HSPG2: variants seen among roughly 807,000 people sequenced by gnomAD.
HSPG2 encodes the protein basement membrane-specific heparan sulfate proteoglycan core protein.
A neutral mutation model predicts 526.6 loss-of-function variants in HSPG2; 278 were observed. That is an observed-to-expected ratio of 0.53 (90% CI 0.48 to 0.58). HSPG2 has a LOEUF of 0.58. Among genes scored for constraint, HSPG2 ranks in the 20% least tolerant of loss-of-function variants. The probability of loss-of-function intolerance (pLI) is 0.00; values close to 1 mark genes in which losing one functional copy is unlikely to be tolerated. For synonymous variants in HSPG2, 2,465 were observed against 2,555.4 expected (o/e 0.96, Z 1.07); for missense variants, 5,354 against 6,099.5 (o/e 0.88, Z 4.07).
At chr1:21,906,710 C>A (rs1428191105) in intron 1 of HSPG2, among the ~76,000 whole-genome samples, 1 of 120,434 alleles carries the variant, frequency 8.3e-6, no homozygotes, top group Non-Finnish European at 1.6e-5. Context: ...ATGACTGAAG[C>A]AACATGATGG....
chr1:21,890,488 G>A lies in HSPG2; in HGVS notation c.355-3C>T, dbSNP rs748431977. On this transcript the variant is annotated splice_polypyrimidine_tract_variant and splice_region_variant and intron_variant, in intron 4 of 96. Coordinates refer to ENST00000374695, the MANE Select transcript of HSPG2 (RefSeq NM_005529.7). This position sits in a 1 kb window ranked among gnomAD's most constrained non-coding sequence, Gnocchi z 4.1. ...ATTTTCAAGTACTCCGACTCCAGCT[G>A]GGGAGGGACACAGTGCCATCAGCCC... is the stretch of plus-strand genomic sequence containing the variant. 5.0e-6 allele frequency: 8 copies of A among 1,613,940 alleles called. No homozygotes were observed. In the South Asian group the frequency reaches 7.7e-5, roughly 16 times the overall value.
chr1:21,895,940 T>A lies in HSPG2; in HGVS notation c.226A>T (p.Ser76Cys). ...GDDLGSGDLG[S>C]GDFQMVYFRA... ...AACTTACCCATCTGGAAGTCCCCGC[T>A]GCCCAGGTCCCCACTGCCCAGGTCG... is the stretch of plus-strand genomic sequence containing the variant. Residue 76 changes from serine (S) to cysteine (C), a missense_variant, in exon 3 of 97, where the codon AGC becomes TGC. Transcript: ENST00000374695. The surrounding 1 kb of genome is among the most constrained non-coding windows in gnomAD (Gnocchi z 4.1). 2 of 1,614,110 alleles carry A rather than the reference T, an allele frequency of 1.2e-6. No homozygotes were observed. The highest frequency in any genetic ancestry group is 1.7e-6 in the Non-Finnish European group (2 of 1,179,976).
intron 1 of HSPG2, among the ~76,000 whole-genome samples, chr1:21,927,429 A>G (rs1644229234): frequency 6.6e-6 from 1 of 152,082 alleles, no homozygotes; most frequent in African/African-American, 2.4e-5. Flanking sequence ...CCACCAAGTA[A>G]GGACCAACTG....
chr1:21,889,969 G>C lies in HSPG2; in HGVS notation c.574+12C>G. The C allele has an allele frequency of 1.9e-6, 3 of 1,614,012 alleles. No homozygotes were observed. Among genetic ancestry groups the C allele is most frequent in the South Asian group, 1.1e-5 (1 of 91,074 alleles). ...CTGGAGGAGGCGATCCCAGACACCA[G>C]GATAGGCTCACCTGTGCCCAGGCGT... On this transcript the variant is annotated intron_variant, in intron 6 of 96. Coordinates refer to ENST00000374695, the MANE Select transcript of HSPG2 (RefSeq NM_005529.7).
At chr1:21,826,297 TG>T (rs1022485495) in intron 91 of HSPG2, among the ~76,000 whole-genome samples, 7 of 151,990 alleles carry the variant, frequency 4.6e-5, no homozygotes, top group African/African-American at 1.7e-4. Flanking sequence ...CTTGAACTCC[TG>T]GGCTCAAGCA....
Position 21,842,369 on chromosome 1 carries a change from G to A in HSPG2, c.8922C>T (p.Ser2974=). The A allele has an allele frequency of 6.2e-7, 1 of 1,607,932 alleles. No individual in the cohort carries two copies. Among genetic ancestry groups the A allele is most frequent in the Non-Finnish European group, 8.5e-7 (1 of 1,176,620 alleles). Residue 2974 remains serine, a synonymous_variant, in exon 68 of 97, where the codon TCC becomes TCT. Transcript: ENST00000374695. ...SLPARHQTHG[S]QLRLHLVSPA... is the part of the protein sequence containing the mutation. ...GGGAGACGAGGTGGAGCCGCAGCTG[G>A]GAGCCATGGGTCTGTCAGAGCAGCG...
Position 21,841,116 on chromosome 1 carries a change from G to T in HSPG2, c.9498C>A (p.Ser3166Arg), listed in dbSNP as rs1162003900. The change falls in exon 71 of 97, where the codon AGC (serine) becomes AGA (arginine). Residue 3166 changes from serine to arginine, a missense_variant. Physicochemically the swap from Ser to Arg is moderately radical, Grantham distance 110. Transcript: ENST00000374695. ...LEQRTYGLMD[S>R]HAVLQISSAK... ...CCGGCTTCACCTGCAGCACCGCGTG[G>T]CTGTCCATGAGCCCATATGTCCGCT... The T allele has an allele frequency of 1.9e-6, 3 of 1,610,890 alleles. No homozygotes were observed. Among genetic ancestry groups the T allele is most frequent in the Non-Finnish European group, 8.5e-7 (1 of 1,178,974 alleles).
Position 21,829,512 on chromosome 1 carries a change from C to A in HSPG2, c.11863G>T (p.Val3955Leu), listed in dbSNP as rs145155624. The A allele has an allele frequency of 3.8e-4, 605 of 1,613,060 alleles. No homozygotes were observed. The highest frequency in any genetic ancestry group is 4.8e-4 in the Non-Finnish European group (569 of 1,179,868). The change falls in exon 87 of 97, where the codon GTG becomes TTG. Residue 3955 changes from valine (V) to leucine (L), a missense_variant. Coordinates refer to ENST00000374695, the MANE Select transcript of HSPG2 (RefSeq NM_005529.7). ...TNTHHELRLD[V>L]EFKPLAPDGV... ...TCAGGGGCGAGTGGCTTGAACTCCACGTCCAGGCGTAGCTCGTGGTGTGTG... is the reference window on the plus strand; with the variant it reads ...TCAGGGGCGAGTGGCTTGAACTCCAAGTCCAGGCGTAGCTCGTGGTGTGTG...
chr1:21,834,639 C>T (rs372840435), intron 77 of HSPG2, 40 bp downstream of exon 77: 501 of 1,611,470 alleles, frequency 3.1e-4, no homozygotes, highest in Non-Finnish European at 4.0e-4. Flanking sequence ...GCCCCTGCCC[C>T]ACTCACTGTC....
intron 9 of HSPG2, among the ~76,000 whole-genome samples, chr1:21,886,573 C>T (rs865774910): frequency 5.9e-5 from 9 of 152,108 alleles, no homozygotes; most frequent in South Asian, 4.1e-4. Context: ...CTGATGTGGT[C>T]GCTGCCTCTC....
At chr1:21,876,075 G>C in intron 23 of HSPG2, 33 bp from the exon 24 acceptor site, 1 of 1,610,862 alleles carries the variant, frequency 6.2e-7, no homozygotes, top group Non-Finnish European at 8.5e-7. Flanking sequence ...GCTTGCGGAG[G>C]CCTGAATTCG....
intron 95 of HSPG2, 132 bp downstream of exon 95, chr1:21,823,989 G>T: frequency 1.0e-6 from 1 of 964,038 alleles, no homozygotes; most frequent in South Asian, 1.4e-5. Flanking sequence ...TGGCTGGTGG[G>T]TTCTCCCCTC....
chr1:21,868,993 G>C (rs1017822705), intron 33 of HSPG2: 29 of 463,370 alleles, frequency 6.3e-5, no homozygotes, highest in Non-Finnish European at 1.4e-5. Flanking sequence ...CAGGTGGTAA[G>C]AGCCGAGGGG....
At chr1:21,897,013 G>A (rs1024864720) in intron 1 of HSPG2, among the ~76,000 whole-genome samples, 3 of 152,132 alleles carry the variant, frequency 2.0e-5, no homozygotes, top group South Asian at 2.1e-4. Context: ...GGCTGCTGCC[G>A]AGCCCAGGAT....
rs567142504 is a variant in HSPG2 at position 21,856,379 on chromosome 1, G to T, written c.5576-467C>A. Among the ~76,000 whole-genome samples the T allele has an allele frequency of 3.9e-5, 6 of 152,234 alleles. No individual in the cohort carries two copies. The East Asian group carries it at 1.2e-3, about 29-fold the overall frequency. ...CTCCTCAGAGAGGCCCTCCCTGACT[G>T]CCCTATCTAGAGTAGCCCTTGCCTC... is the stretch of plus-strand genomic sequence containing the variant. On this transcript the variant is annotated intron_variant, in intron 44 of 96. Coordinates refer to ENST00000374695, the MANE Select transcript of HSPG2 (RefSeq NM_005529.7).
chr1:21,852,061 C>G, intron 53 of HSPG2, 27 bp downstream of exon 53: 1 of 1,612,356 alleles, frequency 6.2e-7, no homozygotes, highest in Non-Finnish European at 8.5e-7. Context: ...GTCCATGGCC[C>G]CGTCCCACAT....
chr1:21,922,141 C>G (rs1426265188), intron 1 of HSPG2, among the ~76,000 whole-genome samples: 1 of 152,188 alleles, frequency 6.6e-6, no homozygotes, highest in Non-Finnish European at 1.5e-5. Flanking sequence ...CTGCCCATTC[C>G]AGCTGTAGGC....
intron 91 of HSPG2, chr1:21,825,113 A>C: frequency 2.6e-6 from 1 of 388,750 alleles, no homozygotes. Flanking sequence ...ATTTCAAAAT[A>C]TCATTTACAC....
intron 30 of HSPG2, 97 bp downstream of exon 30, chr1:21,873,278 G>A: frequency 2.1e-6 from 3 of 1,424,124 alleles, no homozygotes; most frequent in Non-Finnish European, 3.0e-6. Context: ...AACAGGCTCG[G>A]ACAGGCAAAG....
Sources: allele counts gnomAD v4.1 joint callset (sites outside exome capture counted in the v4.1 genomes callset), GRCh38; gene constraint gnomAD v4.1.1; non-coding constraint Gnocchi (gnomAD v3.1); transcripts MANE v1.5; gene names NCBI Gene and HGNC (gene_info 2026-07-23, HGNC 2026-07-21).